Variants in DISP1 observed in about 807,000 individuals in gnomAD.
DISP1 encodes the protein dispatched RND transporter family member 1, also known as protein dispatched homolog 1.
Under a neutral mutation model 37.3 loss-of-function variants are expected in DISP1, and 30 were observed. The observed-to-expected ratio is 0.80, with a 90% CI of 0.60 to 1.09. DISP1 has a LOEUF of 1.09. DISP1 is among the 50% of genes least tolerant of loss of function. The pLI is 0.00. For synonymous variants in DISP1, 634 were observed against 690.2 expected, an observed-to-expected ratio of 0.92 and a Z score of 1.28; for missense variants, 1,598 against 1,879.5, an observed-to-expected ratio of 0.85 and a Z score of 2.77.
intron 1 of DISP1, among the ~76,000 whole-genome samples, chr1:222,900,037 G>T (rs1671494645): frequency 6.6e-6 from 1 of 152,086 alleles, no homozygotes; most frequent in African/African-American, 2.4e-5. Context: ...TTTAATAAAA[G>T]GTTTAAGATA....
In DISP1 at chr1:223,002,396, T is replaced by C. The variant is rs1425670638; in HGVS notation, c.999T>C (p.His333=). The part of the protein sequence containing the change: ...CNVDNSRIRS[H]PQFGDLCQRT... Reference sequence around the variant, plus strand: ...CTCTATCTCTGCAGATCAGATCTCATCCCCAGTTTGGTGATCTCTGCCAGA... The same window carrying C: ...CTCTATCTCTGCAGATCAGATCTCACCCCCAGTTTGGTGATCTCTGCCAGA... Residue 333 remains histidine (H), a synonymous_variant, in exon 9 of 9, where the codon CAT becomes CAC. Coordinates refer to ENST00000675850, the MANE Select transcript of DISP1 (RefSeq NM_001377229.1). 6.2e-7 allele frequency: 1 copy of C among 1,614,012 alleles called. No individual in the cohort carries two copies. Among genetic ancestry groups the C allele is most frequent in the Non-Finnish European group, 8.5e-7 (1 of 1,180,016 alleles).
chr1:222,839,713 T>A (rs1477987546), intron 1 of DISP1, among the ~76,000 whole-genome samples: 2 of 152,090 alleles, frequency 1.3e-5, no homozygotes, highest in African/African-American at 4.8e-5. Context: ...GGCGGGTGGA[T>A]CATGAGGTCA....
chr1:222,886,187 A>G (rs1033816562), intron 1 of DISP1, among the ~76,000 whole-genome samples: 2 of 152,132 alleles, frequency 1.3e-5, no homozygotes, highest in Non-Finnish European at 2.9e-5. Flanking sequence ...ATACTTCTAC[A>G]TTTTTCTGAT....
intron 3 of DISP1, among the ~76,000 whole-genome samples, chr1:222,964,225 G>A (rs575651339): frequency 1.3e-5 from 2 of 151,120 alleles, no homozygotes; most frequent in Non-Finnish European, 2.9e-5. Context: ...CTTCAACCTG[G>A]GAGGCGGAGG....
chr1:222,940,437 C>T (rs1486591560), intron 2 of DISP1, among the ~76,000 whole-genome samples: 4 of 152,254 alleles, frequency 2.6e-5, no homozygotes, highest in East Asian at 3.9e-4. Flanking sequence ...TCCCACCACG[C>T]CCCACCTCCA....
At position 223,003,092 on chromosome 1, in the gene DISP1, T is replaced by G; in HGVS notation, c.1695T>G (p.Ile565Met). ...TTATGAACCTCACTGCCCTCATTATTTTGGTTGGAATTGGAGCAGATGATG... is the reference window on the plus strand; with the variant it reads ...TTATGAACCTCACTGCCCTCATTATGTTGGTTGGAATTGGAGCAGATGATG... ...FPFMNLTALI[I>M]LVGIGADDAF... Residue 565 changes from isoleucine to methionine, a missense_variant, in exon 9 of 9, where the codon ATT becomes ATG. Coordinates refer to ENST00000675850, the MANE Select transcript of DISP1 (RefSeq NM_001377229.1). This position sits in a 1 kb window ranked among gnomAD's most constrained non-coding sequence, Gnocchi z 4.3. The G allele has an allele frequency of 6.2e-7, 1 of 1,614,188 alleles. No homozygotes were observed. The highest frequency in any genetic ancestry group is 8.5e-7 in the Non-Finnish European group (1 of 1,180,032).
At chr1:222,981,491 C>T (rs1677835725) in intron 3 of DISP1, among the ~76,000 whole-genome samples, 1 of 152,192 alleles carries the variant, frequency 6.6e-6, no homozygotes, top group Non-Finnish European at 1.5e-5. Flanking sequence ...ATTTAGAACA[C>T]ATGCATCTCT....
At chr1:222,973,263 A>G (rs1477287920) in intron 3 of DISP1, among the ~76,000 whole-genome samples, 4 of 152,184 alleles carry the variant, frequency 2.6e-5, no homozygotes. Context: ...ACATATGCTC[A>G]TGAGGAATTC....
chr1:222,975,566 A>C (rs1457388113), intron 3 of DISP1, among the ~76,000 whole-genome samples: 1 of 151,832 alleles, frequency 6.6e-6, no homozygotes, highest in East Asian at 1.9e-4. Context: ...CTTTTTTTCT[A>C]TTACCTTTTT....
intron 1 of DISP1, among the ~76,000 whole-genome samples, chr1:222,878,034 C>T (rs1380194198): frequency 6.6e-6 from 1 of 152,146 alleles, no homozygotes; most frequent in Non-Finnish European, 1.5e-5. Flanking sequence ...TCTGTAGTCC[C>T]CATTGGGTAA....
chr1:222,869,761 T>A (rs959485273), intron 1 of DISP1, among the ~76,000 whole-genome samples: 2 of 152,180 alleles, frequency 1.3e-5, no homozygotes, highest in Admixed American at 1.3e-4. Flanking sequence ...TGTTAAAGAA[T>A]TCATGAAGAA....
intron 3 of DISP1, among the ~76,000 whole-genome samples, chr1:222,965,864 G>A (rs144374821): frequency 3.9e-5 from 6 of 151,970 alleles, no homozygotes; most frequent in African/African-American, 7.2e-5. Flanking sequence ...GTGAGACCTC[G>A]TCTCTTAAAA....
intron 1 of DISP1, among the ~76,000 whole-genome samples, chr1:222,912,559 C>T (rs1401705524): frequency 6.6e-6 from 1 of 152,078 alleles, no homozygotes; most frequent in Non-Finnish European, 1.5e-5. Flanking sequence ...CAGTCTGTTA[C>T]TTCCTTTCTT....
chr1:222,928,397 A>G (rs538131624), intron 1 of DISP1, 33 bp from the exon 2 acceptor site: 1 of 152,308 alleles, frequency 6.6e-6, no homozygotes, highest in South Asian at 2.1e-4. Context: ...AACATGCCTA[A>G]TTCAAAGCAA....
intron 2 of DISP1, among the ~76,000 whole-genome samples, chr1:222,940,192 T>C (rs780377519): frequency 6.6e-6 from 1 of 152,020 alleles, no homozygotes; most frequent in Non-Finnish European, 1.5e-5. Flanking sequence ...AGAGGTTTCA[T>C]TGGCTCACGA....
intron 2 of DISP1, among the ~76,000 whole-genome samples, chr1:222,937,560 G>A (rs921380516): frequency 7.2e-5 from 11 of 152,104 alleles, no homozygotes; most frequent in African/African-American, 2.4e-4. Flanking sequence ...CCTATGAAAT[G>A]TATATTTTAA....
intron 1 of DISP1, among the ~76,000 whole-genome samples, chr1:222,876,825 A>G (rs1315656355): frequency 6.6e-6 from 1 of 152,222 alleles, no homozygotes; most frequent in Non-Finnish European, 1.5e-5. Flanking sequence ...AGGATTCCAG[A>G]ACATTCCTTG....
At chr1:222,974,631 C>T (rs1003064219) in intron 3 of DISP1, among the ~76,000 whole-genome samples, 5 of 152,120 alleles carry the variant, frequency 3.3e-5, no homozygotes, top group African/African-American at 1.2e-4. Flanking sequence ...GTCAGCATCT[C>T]GTAAGCATTT....
intron 3 of DISP1, among the ~76,000 whole-genome samples, chr1:222,949,871 C>T (rs1186772940): frequency 6.6e-6 from 1 of 152,134 alleles, no homozygotes; most frequent in Non-Finnish European, 1.5e-5. Flanking sequence ...AAGTGATCCG[C>T]CTGCCTCAGC....
Sources: allele counts gnomAD v4.1 joint callset (sites outside exome capture counted in the v4.1 genomes callset), GRCh38; gene constraint gnomAD v4.1.1; non-coding constraint Gnocchi (gnomAD v3.1); transcripts MANE v1.5; gene names NCBI Gene and HGNC (gene_info 2026-07-23, HGNC 2026-07-21).